NSMCE3: variants seen among roughly 807,000 people sequenced by gnomAD.
The protein encoded by NSMCE3 is NSE3 component of SMC5/6 complex.
For missense variants in NSMCE3, 452 were observed against 399.5 expected, an observed-to-expected ratio of 1.13 and a Z score of -1.12; for synonymous variants, 214 against 172.2, an observed-to-expected ratio of 1.24 and a Z score of -1.90.
chr15:29,267,600 T>G lies in NSMCE3; in HGVS notation c.*1191A>C, dbSNP rs974517750. The G allele has an allele frequency of 6.6e-6, 1 of 152,138 alleles. No homozygotes were observed. Among genetic ancestry groups the G allele is most frequent in the African/African-American group, 2.4e-5 (1 of 41,418 alleles). 9.4% of individuals were successfully genotyped at this position (152,138 alleles called of 1,614,324 possible). On this transcript the variant is annotated 3_prime_UTR_variant, in exon 1 of 1. Coordinates refer to ENST00000332303, the MANE Select transcript of NSMCE3 (RefSeq NM_138704.4). ...AGGAGGTAGATCTTATGTCCTGCTC[T>G]TATGTTCTATGTGGGGCACACTCAC...
chr15:29,269,138 C>G lies in NSMCE3; in HGVS notation c.568G>C (p.Gly190Arg). The change falls in exon 1 of 1, where the codon GGC becomes CGC. Residue 190 changes from glycine (G) to arginine (R), a missense_variant. Coordinates refer to ENST00000332303, the MANE Select transcript of NSMCE3 (RefSeq NM_138704.4). ...GCTTCAGTTTCCTTGATGGTGTTGC[C>G]CTTCATAAAGATGAGCCCTAAGACG... ...MIVLGLIFMK[G>R]NTIKETEAWD... 6.2e-7 allele frequency: 1 copy of G among 1,614,072 alleles called. No homozygotes were observed. The highest frequency in any genetic ancestry group is 8.5e-7 in the Non-Finnish European group (1 of 1,180,026).
rs902103296 is a variant in NSMCE3, at chr15:29,267,173, T to C, written c.*1618A>G. 6.6e-6 allele frequency: 1 copy of C among 152,244 alleles called. No individual in the cohort carries two copies. The highest frequency in any genetic ancestry group is 1.5e-5 in the Non-Finnish European group (1 of 68,050). 9.4% of individuals were successfully genotyped at this position (152,244 alleles called of 1,614,324 possible). On this transcript the variant is annotated 3_prime_UTR_variant, in exon 1 of 1. Transcript: ENST00000332303. ...CTATCACATTCCTCCATACTCACTA[T>C]AGACTCTTTTAAATGACATTCCGTC...
At position 29,269,749 on chromosome 15, in the gene NSMCE3, G is replaced by C. The variant is rs777602232; in HGVS notation, c.-44C>G. ...CGGCGCACACTCCGGTAGGCAAGCA[G>C]CCGCGGCGGGGATTGCGGGTCGGCG... On this transcript the variant is annotated 5_prime_UTR_variant, in exon 1 of 1. Transcript: ENST00000332303. 1 of 1,426,400 alleles carries C rather than the reference G, an allele frequency of 7.0e-7. No individual in the cohort carries two copies. The highest frequency in any genetic ancestry group is 9.1e-7 in the Non-Finnish European group (1 of 1,094,596). 88.4% of individuals were successfully genotyped at this position (1,426,400 alleles called of 1,614,324 possible).
chr15:29,269,573 C>G lies in NSMCE3; in HGVS notation c.133G>C (p.Glu45Gln), dbSNP rs746746933. 2.0e-5 allele frequency: 31 copies of G among 1,535,440 alleles called. No homozygotes were observed. Among genetic ancestry groups the G allele is most frequent in the Middle Eastern group, 3.5e-4 (2 of 5,728 alleles). ...CCGCGGGACGTGCTCGGGGCCTCCT[C>G]GGCAAAGCCGTCTCTGAGAACCCGG... is the stretch of plus-strand genomic sequence containing the variant. ...DARVLRDGFAEEAPSTSRGPG... is the reference protein window; with the variant it reads ...DARVLRDGFAQEAPSTSRGPG... Residue 45 changes from glutamate to glutamine, a missense_variant, in exon 1 of 1, where the codon GAG becomes CAG. Physicochemically the swap from Glu to Gln is conservative, Grantham distance 29 (BLOSUM62 2). Transcript: ENST00000332303.
In NSMCE3 at chr15:29,265,529, C is replaced by T. The variant is rs944967051; in HGVS notation, c.*3262G>A. The T allele has an allele frequency of 6.6e-6, 1 of 152,294 alleles. No individual in the cohort carries two copies. Among genetic ancestry groups the T allele is most frequent in the African/African-American group, 2.4e-5 (1 of 41,436 alleles). The allele number at this position is 152,294 out of a possible 1,614,324, so 9.4% of individuals were successfully genotyped here. A position where few individuals can be genotyped will look rare whatever the true frequency, so the allele number is the denominator to read the frequency against. On this transcript the variant is annotated 3_prime_UTR_variant, in exon 1 of 1. Transcript: ENST00000332303. ...TGGCGGGCACCTGTAATCCCAGCTA[C>T]TCAGGAGGCTGAGGCAGGAGAATCG...
At position 29,268,954 on chromosome 15, in the gene NSMCE3, C is replaced by A. The variant is rs1165637704; in HGVS notation, c.752G>T (p.Gly251Val). Residue 251 changes from glycine (G) to valine (V), a missense_variant, in exon 1 of 1, where the codon GGC becomes GTC. Physicochemically the swap from Gly to Val is moderately radical, Grantham distance 109. Coordinates refer to ENST00000332303, the MANE Select transcript of NSMCE3 (RefSeq NM_138704.4). ...GCTGGTTTCCAGGTTGGTTCGCGGG[C>A]CCCACTGGAATTCGTAGTCGACGGG... ...TDPVDYEFQW[G>V]PRTNLETSKM... 2 of 1,614,074 alleles carry A rather than the reference C, an allele frequency of 1.2e-6. No individual in the cohort carries two copies. The highest frequency in any genetic ancestry group is 2.7e-5 in the African/African-American group (2 of 74,918).
In NSMCE3 at chr15:29,267,838, C is replaced by G. The variant is rs1356667339; in HGVS notation, c.*953G>C. 6.6e-6 allele frequency: 1 copy of G among 152,144 alleles called. No individual in the cohort carries two copies. Among genetic ancestry groups the G allele is most frequent in the African/African-American group, 2.4e-5 (1 of 41,440 alleles). The allele number at this position is 152,144 out of a possible 1,614,324, so 9.4% of individuals were successfully genotyped here. A position where few individuals can be genotyped will look rare whatever the true frequency, so the allele number is the denominator to read the frequency against. Reference sequence around the variant, plus strand: ...CACGGACTAAAACCATTTTACAGGTCAAGAAACATCTGCATACAAACTAAG... The same window carrying G: ...CACGGACTAAAACCATTTTACAGGTGAAGAAACATCTGCATACAAACTAAG... On this transcript the variant is annotated 3_prime_UTR_variant, in exon 1 of 1. Coordinates refer to ENST00000332303, the MANE Select transcript of NSMCE3 (RefSeq NM_138704.4).
Position 29,267,191 on chromosome 15 carries a change from A to T in NSMCE3, c.*1600T>A, listed in dbSNP as rs1340619267. 6.6e-6 allele frequency: 1 copy of T among 152,218 alleles called. No homozygotes were observed. Among genetic ancestry groups the T allele is most frequent in the Non-Finnish European group, 1.5e-5 (1 of 68,042 alleles). 9.4% of individuals were successfully genotyped at this position (152,218 alleles called of 1,614,324 possible). A position where few individuals can be genotyped will look rare whatever the true frequency, so the allele number is the denominator to read the frequency against. On this transcript the variant is annotated 3_prime_UTR_variant, in exon 1 of 1. Transcript: ENST00000332303. ...CTCACTATAGACTCTTTTAAATGAC[A>T]TTCCGTCCAGTGTTGATGAAGTTCA...
chr15:29,269,176 C>A lies in NSMCE3; in HGVS notation c.530G>T (p.Gly177Val), dbSNP rs910255063. 1 of 1,613,998 alleles carries A rather than the reference C, an allele frequency of 6.2e-7. No homozygotes were observed. The highest frequency in any genetic ancestry group is 2.2e-5 in the East Asian group (1 of 44,874). Residue 177 changes from glycine to valine, a missense_variant, in exon 1 of 1, where the codon GGC (glycine) becomes GTC (valine). Transcript: ENST00000332303. ...GAGCCCTAAGACGATCATCAGGAGGCCCGTAGTGGGCGTGCCTTGGTCACC... is the reference window on the plus strand; with the variant it reads ...GAGCCCTAAGACGATCATCAGGAGGACCGTAGTGGGCGTGCCTTGGTCACC... ...MRGDQGTPTT[G>V]LLMIVLGLIF...
rs771621529 is a variant in NSMCE3 at position 29,269,565 on chromosome 15, G to A, written c.141C>T (p.Ala47=). The change falls in exon 1 of 1, where the codon GCC becomes GCT. Residue 47 remains alanine (A), a synonymous_variant. Coordinates refer to ENST00000332303, the MANE Select transcript of NSMCE3 (RefSeq NM_138704.4). The part of the protein sequence containing the change: ...RVLRDGFAEE[A]PSTSRGPGGS... ...CGCCCGGCCCGCGGGACGTGCTCGGGGCCTCCTCGGCAAAGCCGTCTCTGA... is the reference window on the plus strand; with the variant it reads ...CGCCCGGCCCGCGGGACGTGCTCGGAGCCTCCTCGGCAAAGCCGTCTCTGA... The A allele has an allele frequency of 1.8e-5, 27 of 1,528,200 alleles. No homozygotes were observed. The highest frequency in any genetic ancestry group is 2.4e-5 in the Non-Finnish European group (27 of 1,141,892). 94.7% of individuals were successfully genotyped at this position (1,528,200 alleles called of 1,614,324 possible).
In NSMCE3 at chr15:29,269,679, G is replaced by A; in HGVS notation, c.27C>T (p.Gly9=). The part of the protein sequence containing the change: MLQKPRNR[G]RSGGQAERDR... ...CCCTCTCGGCCTGGCCGCCAGAGCGGCCCCGGTTCCTCGGTTTTTGCAACA... is the reference window on the plus strand; with the variant it reads ...CCCTCTCGGCCTGGCCGCCAGAGCGACCCCGGTTCCTCGGTTTTTGCAACA... The change falls in exon 1 of 1, where the codon GGC becomes GGT. Residue 9 remains glycine (G), a synonymous_variant. Coordinates refer to ENST00000332303, the MANE Select transcript of NSMCE3 (RefSeq NM_138704.4). 1 of 1,554,812 alleles carries A rather than the reference G, an allele frequency of 6.4e-7. No homozygotes were observed. Among genetic ancestry groups the A allele is most frequent in the Non-Finnish European group, 8.6e-7 (1 of 1,157,012 alleles).
chr15:29,266,208 A>G lies in NSMCE3; in HGVS notation c.*2583T>C, dbSNP rs1217285580. On this transcript the variant is annotated 3_prime_UTR_variant, in exon 1 of 1. Transcript: ENST00000332303. ...TAGGCAGATACTTAACATTACTAGTAAGCAACAGGTATAAGTTAATACCGT... is the reference window on the plus strand; with the variant it reads ...TAGGCAGATACTTAACATTACTAGTGAGCAACAGGTATAAGTTAATACCGT... 1 of 152,252 alleles carries G rather than the reference A, an allele frequency of 6.6e-6. No individual in the cohort carries two copies. The highest frequency in any genetic ancestry group is 6.5e-5 in the Admixed American group (1 of 15,288). 9.4% of individuals were successfully genotyped at this position (152,252 alleles called of 1,614,324 possible).
At position 29,268,745 on chromosome 15, in the gene NSMCE3, T is replaced by A. The variant is rs1212635734; in HGVS notation, c.*46A>T. The A allele has an allele frequency of 1.3e-6, 2 of 1,546,884 alleles. No homozygotes were observed. The highest frequency in any genetic ancestry group is 1.4e-5 in the African/African-American group (1 of 72,500). On this transcript the variant is annotated 3_prime_UTR_variant, in exon 1 of 1. Transcript: ENST00000332303. ...TTCCCCCAATCCTCTAAACTGTGCC[T>A]TTGGGTCTCAGACCCTTGTCCCGGG...
At position 29,268,134 on chromosome 15, in the gene NSMCE3, A is replaced by T. The variant is rs2043519847; in HGVS notation, c.*657T>A. On this transcript the variant is annotated 3_prime_UTR_variant, in exon 1 of 1. Transcript: ENST00000332303. ...AAATTCTCTCATGACCCACGATTTAAAAAACACACAATGCTTAAGTGCTTC... is the reference window on the plus strand; with the variant it reads ...AAATTCTCTCATGACCCACGATTTATAAAACACACAATGCTTAAGTGCTTC... 1 of 152,212 alleles carries T rather than the reference A, an allele frequency of 6.6e-6. No individual in the cohort carries two copies. The highest frequency in any genetic ancestry group is 1.5e-5 in the Non-Finnish European group (1 of 68,038). The allele number at this position is 152,212 out of a possible 1,614,324, so 9.4% of individuals were successfully genotyped here.
In NSMCE3 at chr15:29,268,718, C is replaced by T; in HGVS notation, c.*73G>A. On this transcript the variant is annotated 3_prime_UTR_variant, in exon 1 of 1. Coordinates refer to ENST00000332303, the MANE Select transcript of NSMCE3 (RefSeq NM_138704.4). ...CAATATGCTCCCTGGGTTCGTTCTC[C>T]CTTCCCCCAATCCTCTAAACTGTGC... 2.0e-6 allele frequency: 3 copies of T among 1,481,886 alleles called. No homozygotes were observed. The East Asian group carries it at 6.8e-5, about 34-fold the overall frequency. The allele number at this position is 1,481,886 out of a possible 1,614,324, so 91.8% of individuals were successfully genotyped here.
chr15:29,269,165 T>G lies in NSMCE3; in HGVS notation c.541A>C (p.Ile181Leu). 6.2e-7 allele frequency: 1 copy of G among 1,614,122 alleles called. No homozygotes were observed. The highest frequency in any genetic ancestry group is 8.5e-7 in the Non-Finnish European group (1 of 1,180,018). Residue 181 changes from isoleucine to leucine, a missense_variant, in exon 1 of 1, where the codon ATC becomes CTC. Coordinates refer to ENST00000332303, the MANE Select transcript of NSMCE3 (RefSeq NM_138704.4). ...QGTPTTGLLM[I>L]VLGLIFMKGN... ...TTCATAAAGATGAGCCCTAAGACGA[T>G]CATCAGGAGGCCCGTAGTGGGCGTG...
Position 29,269,039 on chromosome 15 carries a change from T to C in NSMCE3, c.667A>G (p.Ile223Val), listed in dbSNP as rs754497956. ...CGCTGTCGCACAAAGTCCTCAGTAA[T>C]GAGTTTCTTTGGATCTCCGAAAATT... ...HLIFGDPKKL[I>V]TEDFVRQRYL... The change falls in exon 1 of 1, where the codon ATT (isoleucine) becomes GTT (valine). Residue 223 changes from isoleucine (I) to valine (V), a missense_variant. By Grantham distance (29) the Ile-to-Val change is conservative (BLOSUM62 3). Coordinates refer to ENST00000332303, the MANE Select transcript of NSMCE3 (RefSeq NM_138704.4). 2 of 1,614,110 alleles carry C rather than the reference T, an allele frequency of 1.2e-6. No individual in the cohort carries two copies. The highest frequency in any genetic ancestry group is 4.5e-5 in the East Asian group (2 of 44,874).
At position 29,268,602 on chromosome 15, in the gene NSMCE3, T is replaced by C; in HGVS notation, c.*189A>G. ...ATCAAAACAAATGCTCCTTTGTTTATAGATGAAAATCTGGAGCAAAATAAC... is the reference window on the plus strand; with the variant it reads ...ATCAAAACAAATGCTCCTTTGTTTACAGATGAAAATCTGGAGCAAAATAAC... On this transcript the variant is annotated 3_prime_UTR_variant, in exon 1 of 1. Transcript: ENST00000332303. 1 of 524,966 alleles carries C rather than the reference T, an allele frequency of 1.9e-6. No individual in the cohort carries two copies. Among genetic ancestry groups the C allele is most frequent in the Non-Finnish European group, 3.2e-6 (1 of 314,160 alleles). 32.5% of individuals were successfully genotyped at this position (524,966 alleles called of 1,614,324 possible).
rs987727546 is a variant in NSMCE3 at position 29,269,292 on chromosome 15, G to T, written c.414C>A (p.Phe138Leu). 3.7e-6 allele frequency: 6 copies of T among 1,614,048 alleles called. No individual in the cohort carries two copies. In the African/African-American group the frequency reaches 8.0e-5, roughly 22 times the overall value. Residue 138 changes from phenylalanine to leucine, a missense_variant, in exon 1 of 1, where the codon TTC becomes TTA. By Grantham distance (22) the Phe-to-Leu change is conservative (BLOSUM62 0). Transcript: ENST00000332303. ...GTTCAAGTTCCACCAGCTTATACCCGAAGACGTACTGGAGGCGCTCGGCGG... is the reference window on the plus strand; with the variant it reads ...GTTCAAGTTCCACCAGCTTATACCCTAAGACGTACTGGAGGCGCTCGGCGG... ...KRAAERLQYV[F>L]GYKLVELEPK... is the part of the protein sequence containing the mutation.
Sources: gnomAD v4.1 joint callset for allele counts on GRCh38, gnomAD v4.1.1 for gene constraint, MANE v1.5 for transcripts, NCBI Gene and HGNC (gene_info 2026-07-23, HGNC 2026-07-21) for gene names.